SORCS2: variants seen among roughly 807,000 people sequenced by gnomAD.
SORCS2 encodes sortilin related VPS10 domain containing receptor 2.
A neutral mutation model predicts 141.6 loss-of-function variants in SORCS2; 100 were observed. The ratio of observed to expected loss-of-function variants is 0.71; its 90% CI spans 0.60 to 0.83. SORCS2 has a LOEUF of 0.83. Among genes scored for constraint, SORCS2 ranks in the 40% least tolerant of loss-of-function variants. The probability of loss-of-function intolerance (pLI) is 0.00; values close to 1 mark genes in which losing one functional copy is unlikely to be tolerated. For synonymous variants in SORCS2, 789 were observed against 676.9 expected (o/e 1.17, Z -2.57); for missense variants, 1,646 against 1,560.2 (o/e 1.05, Z -0.93).
chr4:7,432,658 G>C (rs963744392), intron 2 of SORCS2: 3 of 151,956 alleles, frequency 2.0e-5, no homozygotes, highest in Admixed American at 1.3e-4. Context: ...TGCAAGGAGA[G>C]AGAGGGACCC....
At position 7,474,146 on chromosome 4, in the gene SORCS2, G is replaced by C. The variant is rs113359758; in HGVS notation, c.549-57384G>C. 8.8e-3 allele frequency among the ~76,000 whole-genome samples: 1,334 copies of C among 152,278 alleles called. 15 individuals carry two copies. Among genetic ancestry groups the C allele is most frequent in the African/African-American group, 0.031 (1,276 of 41,536 alleles). On this transcript the variant is annotated intron_variant, in intron 2 of 26. Transcript: ENST00000507866. ...TGTCTCCAGGGCCTCCCAGAGCCTG[G>C]CACCTGCTCAGCGCTCAGTAGATGG... is the stretch of plus-strand genomic sequence containing the variant.
chr4:7,285,841 C>T (rs557585246), intron 1 of SORCS2, among the ~76,000 whole-genome samples: 2 of 152,316 alleles, frequency 1.3e-5, no homozygotes, highest in East Asian at 1.9e-4. Flanking sequence ...TAGAGCAGAA[C>T]TGAGTGAGTT....
intron 3 of SORCS2, among the ~76,000 whole-genome samples, chr4:7,632,138 C>T (rs1719934869): frequency 6.6e-6 from 1 of 152,194 alleles, no homozygotes; most frequent in Non-Finnish European, 1.5e-5. Context: ...AAGGGACTCA[C>T]CTGACCATGT....
chr4:7,617,433 C>T (rs1560429453), intron 3 of SORCS2, among the ~76,000 whole-genome samples: 3 of 152,188 alleles, frequency 2.0e-5, no homozygotes, highest in Admixed American at 1.3e-4. Flanking sequence ...TATAGAGCTC[C>T]TCATATGCCT....
intron 3 of SORCS2, among the ~76,000 whole-genome samples, chr4:7,557,973 G>A (rs1714259021): frequency 6.6e-6 from 1 of 152,236 alleles, no homozygotes; most frequent in Admixed American, 6.5e-5. Flanking sequence ...ACACCAAGAA[G>A]ACAAGACATG....
At chr4:7,620,160 T>C (rs756487267) in intron 3 of SORCS2, among the ~76,000 whole-genome samples, 39 of 152,094 alleles carry the variant, frequency 2.6e-4, no homozygotes, top group Non-Finnish European at 4.7e-4. Context: ...TTGCGATCTT[T>C]TGGAGCAGAA....
chr4:7,510,294 G>GC (rs1354881997), intron 2 of SORCS2, among the ~76,000 whole-genome samples: 4 of 152,190 alleles, frequency 2.6e-5, no homozygotes, highest in Non-Finnish European at 4.4e-5. Flanking sequence ...TCCTGCGCCG[G>GC]CCCCCGATTC....
chr4:7,395,147 A>C (rs1724126118), intron 1 of SORCS2, among the ~76,000 whole-genome samples: 1 of 140,248 alleles, frequency 7.1e-6, no homozygotes, highest in Admixed American at 7.0e-5. Flanking sequence ...TAAGATGCAC[A>C]CTGTCCCATC....
chr4:7,301,320 G>A (rs1343365089), intron 1 of SORCS2, among the ~76,000 whole-genome samples: 2 of 152,220 alleles, frequency 1.3e-5, no homozygotes, highest in African/African-American at 4.8e-5. Flanking sequence ...TGGAGCCACA[G>A]CCTGGTGGGG....
intron 1 of SORCS2, among the ~76,000 whole-genome samples, chr4:7,280,813 A>G (rs988631316): frequency 3.9e-5 from 6 of 152,256 alleles, no homozygotes; most frequent in African/African-American, 1.4e-4. Flanking sequence ...GCTACAATGA[A>G]TGAATGAATG....
intron 2 of SORCS2, among the ~76,000 whole-genome samples, chr4:7,524,216 T>C (rs1733517257): frequency 6.6e-6 from 1 of 152,190 alleles, no homozygotes; most frequent in African/African-American, 2.4e-5. Flanking sequence ...AGCCTGGCTT[T>C]AGGGTGGGCA....
chr4:7,316,906 G>T (rs1409500058), intron 1 of SORCS2, among the ~76,000 whole-genome samples: 1 of 152,140 alleles, frequency 6.6e-6, no homozygotes, highest in Non-Finnish European at 1.5e-5. Flanking sequence ...TGAGTGAAGG[G>T]ATTTGAGTCT....
At chr4:7,383,738 A>G (rs1466023033) in intron 1 of SORCS2, among the ~76,000 whole-genome samples, 1 of 152,214 alleles carries the variant, frequency 6.6e-6, no homozygotes, top group Non-Finnish European at 1.5e-5. Flanking sequence ...AAAAAACAAA[A>G]CAAAAAAACC....
At chr4:7,705,778 C>T (rs1725389886) in intron 14 of SORCS2, among the ~76,000 whole-genome samples, 1 of 152,254 alleles carries the variant, frequency 6.6e-6, no homozygotes, top group African/African-American at 2.4e-5. Flanking sequence ...AGTGGCTCTT[C>T]CACTGGCCCC....
rs576484823 is a variant in SORCS2 at position 7,625,946 on chromosome 4, C to T, written c.649-12382C>T. Among the ~76,000 whole-genome samples the T allele has an allele frequency of 9.5e-4, 144 of 152,170 alleles. No individual in the cohort carries two copies. The Middle Eastern group carries it at 0.01, about 11-fold the overall frequency. ...TTGGGCCCAGGAGTTTAAGACCAGC[C>T]TGGGCAATGTAGGGAGACCCTGTCT... On this transcript the variant is annotated intron_variant, in intron 3 of 26. Coordinates refer to ENST00000507866, the MANE Select transcript of SORCS2 (RefSeq NM_020777.3).
At chr4:7,497,671 G>A (rs569190688) in intron 2 of SORCS2, among the ~76,000 whole-genome samples, 5 of 152,368 alleles carry the variant, frequency 3.3e-5, no homozygotes, top group South Asian at 2.1e-4. Context: ...CGTTTCACTC[G>A]CTTCATCTCC....
intron 1 of SORCS2, among the ~76,000 whole-genome samples, chr4:7,245,675 G>T (rs933814117): frequency 1.3e-5 from 2 of 152,156 alleles, no homozygotes; most frequent in African/African-American, 4.8e-5. Flanking sequence ...TGTTATGGTC[G>T]CCCCCAGCTC....
intron 9 of SORCS2, among the ~76,000 whole-genome samples, chr4:7,678,622 C>T (rs1211619551): frequency 2.0e-5 from 3 of 150,364 alleles, no homozygotes; most frequent in Non-Finnish European, 4.4e-5. Flanking sequence ...GGAAGGAGCT[C>T]AGAGCCACAC....
intron 2 of SORCS2, among the ~76,000 whole-genome samples, chr4:7,510,763 G>T (rs62280189): frequency 0.15 from 14,485 of 94,718 alleles, 992 homozygotes; most frequent in African/African-American, 0.3. Context: ...CCAGATACCC[G>T]CATGGACCGA....
Sources: gnomAD v4.1 joint callset for allele counts (sites outside exome capture counted in the v4.1 genomes callset) on GRCh38, gnomAD v4.1.1 for gene constraint, MANE v1.5 for transcripts, NCBI Gene and HGNC (gene_info 2026-07-23, HGNC 2026-07-21) for gene names.